TRIB1: variants seen among roughly 807,000 people sequenced by gnomAD.
The protein encoded by TRIB1 is tribbles pseudokinase 1.
In TRIB1, 12 loss-of-function variants were observed where a neutral mutation model predicts 27.8. The ratio of observed to expected loss-of-function variants is 0.43; its 90% CI spans 0.28 to 0.70. The LOEUF (loss-of-function observed/expected upper bound fraction) is 0.70. Ranked by LOEUF, TRIB1 falls within the 30% of genes least tolerant of loss-of-function variation. The pLI is 0.18. For missense variants in TRIB1, 475 were observed against 515.8 expected (o/e 0.92, Z 0.77); for synonymous variants, 230 against 224.9 (o/e 1.02, Z -0.20).
At chr8:125,432,614 T>C (rs933394274) in intron 1 of TRIB1, among the ~76,000 whole-genome samples, 3 of 151,820 alleles carry the variant, frequency 2.0e-5, no homozygotes, top group African/African-American at 7.3e-5. Context: ...TTTCTAGGGG[T>C]GGGGTCGGGT....
chr8:125,432,826 C>T (rs1235381651), intron 1 of TRIB1: 1 of 156,282 alleles, frequency 6.4e-6, no homozygotes, highest in East Asian at 1.9e-4. Flanking sequence ...CCTGCTTCCC[C>T]TTGGAGGCTG....
At position 125,436,686 on chromosome 8, in the gene TRIB1, C is replaced by T; in HGVS notation, c.*215C>T. ...ATTGGCTGCCCTGCAAATTTGTTTC[C>T]CTTAAGGAACCCTCACCAACTATCT... On this transcript the variant is annotated 3_prime_UTR_variant, in exon 3 of 3. Transcript: ENST00000311922. The T allele has an allele frequency of 1.7e-5, 10 of 596,954 alleles. No individual in the cohort carries two copies. In the South Asian group the frequency reaches 2.1e-4, roughly 12 times the overall value. The allele number at this position is 596,954 out of a possible 1,614,324, so 37.0% of individuals were successfully genotyped here.
rs1814644256 is a variant in TRIB1 at position 125,430,975 on chromosome 8, G to A, written c.73G>A (p.Ala25Thr). Reference protein sequence around the residue: ...QPRGPALLFPATRGVPAKRLL... With the variant: ...QPRGPALLFPTTRGVPAKRLL... ...CCGCGGCCCGGCCCTGCTCTTCCCAGCCACCCGAGGCGTCCCGGCCAAACG... is the reference window on the plus strand; with the variant it reads ...CCGCGGCCCGGCCCTGCTCTTCCCAACCACCCGAGGCGTCCCGGCCAAACG... Residue 25 changes from alanine (A) to threonine (T), a missense_variant, in exon 1 of 3, where the codon GCC (alanine) becomes ACC (threonine). Coordinates refer to ENST00000311922, the MANE Select transcript of TRIB1 (RefSeq NM_025195.4). 6.8e-7 allele frequency: 1 copy of A among 1,469,848 alleles called. No individual in the cohort carries two copies. Among genetic ancestry groups the A allele is most frequent in the Non-Finnish European group, 8.9e-7 (1 of 1,119,138 alleles). The allele number at this position is 1,469,848 out of a possible 1,614,324, so 91.1% of individuals were successfully genotyped here. A position where few individuals can be genotyped will look rare whatever the true frequency, so the allele number is the denominator to read the frequency against.
intron 2 of TRIB1, among the ~76,000 whole-genome samples, chr8:125,434,876 A>T (rs900172572): frequency 2.0e-5 from 3 of 151,936 alleles, no homozygotes; most frequent in African/African-American, 7.3e-5. Context: ...CACGCTGAGG[A>T]CATACTGAAG....
At position 125,430,481 on chromosome 8, in the gene TRIB1, T is replaced by C. The variant is rs947985711; in HGVS notation, c.-422T>C. 1.9e-5 allele frequency: 3 copies of C among 161,924 alleles called. No homozygotes were observed. Among genetic ancestry groups the C allele is most frequent in the African/African-American group, 4.8e-5 (2 of 41,778 alleles). The allele number at this position is 161,924 out of a possible 1,614,324, so 10.0% of individuals were successfully genotyped here. A position where few individuals can be genotyped will look rare whatever the true frequency, so the allele number is the denominator to read the frequency against. ...TCCCCCGGCTTTTGCTGGAGACTCA[T>C]CGCTTTGGGAAGTGCATTTGCTTCG... On this transcript the variant is annotated 5_prime_UTR_variant, in exon 1 of 3. Transcript: ENST00000311922.
intron 2 of TRIB1, 74 bp from the exon 3 acceptor site, chr8:125,435,932 C>A: frequency 2.3e-6 from 3 of 1,298,196 alleles, no homozygotes; most frequent in Non-Finnish European, 3.2e-6. Flanking sequence ...TGCCTGTGGG[C>A]GCTGTTATTG....
At chr8:125,431,293 G>T in intron 1 of TRIB1, 31 bp downstream of exon 1, 2 of 1,253,930 alleles carry the variant, frequency 1.6e-6, no homozygotes, top group Non-Finnish European at 2.0e-6. Context: ...ACCCGGCTGG[G>T]GTCGGGGGCG....
chr8:125,435,948 G>A, intron 2 of TRIB1, 58 bp from the exon 3 acceptor site: 1 of 1,470,050 alleles, frequency 6.8e-7, no homozygotes, highest in Non-Finnish European at 9.3e-7. Context: ...TATTGGGAAG[G>A]CTTTGTTTTT....
chr8:125,431,512 G>C (rs1814656564), intron 1 of TRIB1, among the ~76,000 whole-genome samples: 2 of 152,210 alleles, frequency 1.3e-5, no homozygotes, highest in Admixed American at 1.3e-4. Context: ...TTTCCTCAGC[G>C]CCCAGTGTAG....
At position 125,431,268 on chromosome 8, in the gene TRIB1, C is replaced by G. The variant is rs908234305; in HGVS notation, c.360+6C>G. The G allele has an allele frequency of 2.4e-5, 30 of 1,255,154 alleles. No homozygotes were observed. The highest frequency in any genetic ancestry group is 2.8e-5 in the Non-Finnish European group (28 of 1,000,882). The allele number at this position is 1,255,154 out of a possible 1,614,324, so 77.8% of individuals were successfully genotyped here. A position where few individuals can be genotyped will look rare whatever the true frequency, so the allele number is the denominator to read the frequency against. ...GACGCGAGCTGCGCTGCAAGGTAGG[C>G]GCTCCCGGGCCAGGACCCGGCTGGG... On this transcript the variant is annotated splice_donor_region_variant and intron_variant, in intron 1 of 2. Transcript: ENST00000311922.
Position 125,438,044 on chromosome 8 carries a change from AT to A in TRIB1, c.*1577del, listed in dbSNP as rs1207276922. The A allele has an allele frequency of 6.6e-6, 1 of 152,130 alleles. No individual in the cohort carries two copies. The highest frequency in any genetic ancestry group is 1.5e-5 in the Non-Finnish European group (1 of 67,924). The allele number at this position is 152,130 out of a possible 1,614,324, so 9.4% of individuals were successfully genotyped here. On this transcript the variant is annotated 3_prime_UTR_variant, in exon 3 of 3. Transcript: ENST00000311922. Reference sequence around the variant, plus strand: ...ATTTTACCTTTTATACCTATGTTCGATTTTGTTTTGTTTTGTTTTGTTCTGG... The same window carrying A: ...ATTTTACCTTTTATACCTATGTTCGATTTGTTTTGTTTTGTTTTGTTCTGG...
At position 125,430,584 on chromosome 8, in the gene TRIB1, T is replaced by C; in HGVS notation, c.-319T>C. On this transcript the variant is annotated 5_prime_UTR_variant, in exon 1 of 3. Transcript: ENST00000311922. Reference sequence around the variant, plus strand: ...CGCTGACCGCTGCCGCCGCCGCCTCTGCCTCCCGGACTATCGGCAGCCTCG... The same window carrying C: ...CGCTGACCGCTGCCGCCGCCGCCTCCGCCTCCCGGACTATCGGCAGCCTCG... The C allele has an allele frequency of 3.8e-6, 1 of 265,602 alleles. No individual in the cohort carries two copies. The highest frequency in any genetic ancestry group is 6.8e-5 in the East Asian group (1 of 14,770). 16.5% of individuals were successfully genotyped at this position (265,602 alleles called of 1,614,324 possible).
chr8:125,433,503 G>A lies in TRIB1; in HGVS notation c.547G>A (p.Ala183Thr), dbSNP rs778292179. The change falls in exon 2 of 3, where the codon GCC becomes ACC. Residue 183 changes from alanine to threonine, a missense_variant. Coordinates refer to ENST00000311922, the MANE Select transcript of TRIB1 (RefSeq NM_025195.4). This position sits in a 1 kb window ranked among gnomAD's most constrained non-coding sequence, Gnocchi z 4.4. ...GAAGAGGCTGCGGGAAGAGGAAGCC[G>A]CCCGGCTCTTCAAGCAGATTGTCTC... is the stretch of plus-strand genomic sequence containing the variant. ...SRKRLREEEAARLFKQIVSAV... is the reference protein window; with the variant it reads ...SRKRLREEEATRLFKQIVSAV... The A allele has an allele frequency of 1.8e-5, 29 of 1,614,070 alleles. No individual in the cohort carries two copies. The highest frequency in any genetic ancestry group is 1.8e-4 in the East Asian group (8 of 44,894).
Position 125,433,056 on chromosome 8 carries a change from C to T in TRIB1, c.361-261C>T. ...AGAAGATGGGAACATGTACAGGAGA[C>T]AGTTCTTTCAAATCATCTGTGTGAA... On this transcript the variant is annotated intron_variant, in intron 1 of 2. Coordinates refer to ENST00000311922, the MANE Select transcript of TRIB1 (RefSeq NM_025195.4). This position sits in a 1 kb window ranked among gnomAD's most constrained non-coding sequence, Gnocchi z 4.4. 1 of 467,902 alleles carries T rather than the reference C, an allele frequency of 2.1e-6. No individual in the cohort carries two copies. The highest frequency in any genetic ancestry group is 3.9e-6 in the Non-Finnish European group (1 of 258,484). The allele number at this position is 467,902 out of a possible 1,614,324, so 29.0% of individuals were successfully genotyped here. A position where few individuals can be genotyped will look rare whatever the true frequency, so the allele number is the denominator to read the frequency against.
chr8:125,433,524 G>A lies in TRIB1; in HGVS notation c.568G>A (p.Val190Ile), dbSNP rs1295867266. ...EEAARLFKQI[V>I]SAVAHCHQSA... ...AGCCGCCCGGCTCTTCAAGCAGATT[G>A]TCTCCGCCGTCGCCCACTGCCACCA... Residue 190 changes from valine (V) to isoleucine (I), a missense_variant, in exon 2 of 3, where the codon GTC (valine) becomes ATC (isoleucine). Physicochemically the swap from Val to Ile is conservative, Grantham distance 29 (BLOSUM62 3). Transcript: ENST00000311922. The surrounding 1 kb of genome is among the most constrained non-coding windows in gnomAD (Gnocchi z 4.4). 1.2e-6 allele frequency: 2 copies of A among 1,614,138 alleles called. No individual in the cohort carries two copies. The highest frequency in any genetic ancestry group is 1.7e-4 in the Middle Eastern group (1 of 6,056).
At position 125,431,118 on chromosome 8, in the gene TRIB1, G is replaced by C; in HGVS notation, c.216G>C (p.Pro72=). Residue 72 remains proline (P), a synonymous_variant, in exon 1 of 3, where the codon CCG becomes CCC. Transcript: ENST00000311922. ...GCTCGCCCTGCAGCCCGCAGCCCCC[G>C]CCTGCCGCTCCGGGGGCCGGCGGAG... ...PPGSPCSPQP[P]PAAPGAGGGS... The C allele has an allele frequency of 7.6e-7, 1 of 1,322,320 alleles. No homozygotes were observed. Among genetic ancestry groups the C allele is most frequent in the Non-Finnish European group, 9.6e-7 (1 of 1,043,800 alleles). 81.9% of individuals were successfully genotyped at this position (1,322,320 alleles called of 1,614,324 possible). A position where few individuals can be genotyped will look rare whatever the true frequency, so the allele number is the denominator to read the frequency against.
At position 125,433,666 on chromosome 8, in the gene TRIB1, G is replaced by A. The variant is rs914954943; in HGVS notation, c.653+57G>A. The A allele has an allele frequency of 2.5e-6, 4 of 1,570,454 alleles. No homozygotes were observed. Among genetic ancestry groups the A allele is most frequent in the Admixed American group, 1.7e-5 (1 of 57,412 alleles). On this transcript the variant is annotated intron_variant, in intron 2 of 2. Transcript: ENST00000311922. This position sits in a 1 kb window ranked among gnomAD's most constrained non-coding sequence, Gnocchi z 4.4. The stretch of plus-strand genomic sequence containing the variant: ...TTTTGGAACCAAAGCGGAGGTGCAG[G>A]TCATGTAGTTAGGTGCTGTGTGTTG...
At position 125,435,878 on chromosome 8, in the gene TRIB1, C is replaced by T. The variant is rs891456438; in HGVS notation, c.654-128C>T. ...CTCGGTAGTTGCAGGGCACTGCTTA[C>T]TGGACGAAGGGGTAAATAGCATTCC... On this transcript the variant is annotated intron_variant, in intron 2 of 2. Coordinates refer to ENST00000311922, the MANE Select transcript of TRIB1 (RefSeq NM_025195.4). The T allele has an allele frequency of 8.0e-6, 6 of 749,256 alleles. No homozygotes were observed. In the African/African-American group the frequency reaches 8.9e-5, roughly 11 times the overall value. 46.4% of individuals were successfully genotyped at this position (749,256 alleles called of 1,614,324 possible). A position where few individuals can be genotyped will look rare whatever the true frequency, so the allele number is the denominator to read the frequency against.
rs992490724 is a variant in TRIB1 at position 125,436,611 on chromosome 8, C to T, written c.*140C>T. On this transcript the variant is annotated 3_prime_UTR_variant, in exon 3 of 3. Transcript: ENST00000311922. ...TGCTGAACTCGGCATGGCGCCTCCT[C>T]TTCTCTGTTGGGATGAGTGACTTTA... is the stretch of plus-strand genomic sequence containing the variant. The T allele has an allele frequency of 1.2e-5, 9 of 761,610 alleles. No homozygotes were observed. Among genetic ancestry groups the T allele is most frequent in the Non-Finnish European group, 1.9e-5 (9 of 475,940 alleles). The allele number at this position is 761,610 out of a possible 1,614,324, so 47.2% of individuals were successfully genotyped here.
Sources: gnomAD v4.1 joint callset for allele counts (sites outside exome capture counted in the v4.1 genomes callset) on GRCh38, gnomAD v4.1.1 for gene constraint, Gnocchi (gnomAD v3.1) non-coding constraint, MANE v1.5 for transcripts, NCBI Gene and HGNC (gene_info 2026-07-23, HGNC 2026-07-21) for gene names.